THRB: variants seen among roughly 807,000 people sequenced by gnomAD.
THRB encodes nuclear receptor subfamily 1 group A member 2.
A neutral mutation model predicts 47.8 loss-of-function variants in THRB; 12 were observed. The ratio of observed to expected loss-of-function variants is 0.25; its 90% CI spans 0.16 to 0.41. THRB has a LOEUF of 0.41. THRB is among the 10% of genes least tolerant of loss of function. THRB has a pLI of 1.00. For synonymous variants in THRB, 218 were observed against 212.2 expected, an observed-to-expected ratio of 1.03 and a Z score of -0.24; for missense variants, 348 against 589.2, an observed-to-expected ratio of 0.59 and a Z score of 4.24.
chr3:24,213,234 T>G (rs2046238397), intron 4 of THRB, among the ~76,000 whole-genome samples: 1 of 152,252 alleles, frequency 6.6e-6, no homozygotes, highest in South Asian at 2.1e-4. Context: ...AGTTTAGGTT[T>G]TGTCCTCTTG....
At chr3:24,156,137 G>C (rs1344824152) in intron 5 of THRB, among the ~76,000 whole-genome samples, 1 of 152,190 alleles carries the variant, frequency 6.6e-6, no homozygotes, top group Admixed American at 6.5e-5. Flanking sequence ...ATATCTTACA[G>C]TTAATGCTAT....
intron 4 of THRB, among the ~76,000 whole-genome samples, chr3:24,205,714 TA>T (rs757271409): frequency 6.6e-6 from 1 of 152,040 alleles, no homozygotes; most frequent in Admixed American, 6.6e-5. Flanking sequence ...GCAAATTGGA[TA>T]AAGAGTCAAG....
chr3:24,371,603 A>G (rs533262112), intron 1 of THRB, among the ~76,000 whole-genome samples: 3 of 152,214 alleles, frequency 2.0e-5, no homozygotes, highest in East Asian at 3.9e-4. Context: ...AGTGTTGGCC[A>G]TAATGTCAAA....
chr3:24,299,766 C>CTTT (rs1360367092), intron 2 of THRB, among the ~76,000 whole-genome samples: 4,835 of 57,736 alleles, frequency 0.084, 1,169 homozygotes, highest in East Asian at 0.13. Flanking sequence ...GGGAAGTATG[C>CTTT]TTTTTTATTT....
At chr3:24,430,443 C>T (rs532355105) in intron 1 of THRB, among the ~76,000 whole-genome samples, 1 of 151,952 alleles carries the variant, frequency 6.6e-6, no homozygotes, top group Non-Finnish European at 1.5e-5. Flanking sequence ...AATCAGATCC[C>T]TACCTCATGC....
At chr3:24,265,417 A>C (rs2052549478) in intron 3 of THRB, among the ~76,000 whole-genome samples, 1 of 152,218 alleles carries the variant, frequency 6.6e-6, no homozygotes, top group Admixed American at 6.5e-5. Context: ...AATTGATCAG[A>C]AATCACATGA....
intron 1 of THRB, among the ~76,000 whole-genome samples, chr3:24,411,994 C>T (rs1448724329): frequency 2.0e-5 from 3 of 151,578 alleles, no homozygotes; most frequent in Non-Finnish European, 2.9e-5. Flanking sequence ...TTTCTAAATA[C>T]AGTATATTAT....
chr3:24,161,295 A>G (rs2038773973), intron 5 of THRB, among the ~76,000 whole-genome samples: 1 of 152,184 alleles, frequency 6.6e-6, no homozygotes, highest in Non-Finnish European at 1.5e-5. Context: ...TTGTTGAAAA[A>G]TCTATGATTG....
At chr3:24,416,533 C>T (rs1488198548) in intron 1 of THRB, among the ~76,000 whole-genome samples, 1 of 151,818 alleles carries the variant, frequency 6.6e-6, no homozygotes, top group African/African-American at 2.4e-5. Flanking sequence ...GCATAAAGCG[C>T]TCTATTTATA....
At chr3:24,456,768 ACT>A (rs1400304642) in intron 1 of THRB, among the ~76,000 whole-genome samples, 1 of 151,980 alleles carries the variant, frequency 6.6e-6, no homozygotes, top group Non-Finnish European at 1.5e-5. Context: ...TATCTTATAC[ACT>A]GTCTTATTAT....
chr3:24,266,772 T>A (rs1437678601), intron 3 of THRB, among the ~76,000 whole-genome samples: 1 of 152,032 alleles, frequency 6.6e-6, no homozygotes, highest in East Asian at 1.9e-4. Context: ...AAAATGCCAA[T>A]AAAAATTCAC....
At chr3:24,461,910 T>A (rs1186903549) in intron 1 of THRB, among the ~76,000 whole-genome samples, 1 of 152,172 alleles carries the variant, frequency 6.6e-6, no homozygotes, top group African/African-American at 2.4e-5. Flanking sequence ...CATGCACCTA[T>A]TAAAAATAAT....
chr3:24,164,811 C>G (rs1338716364), intron 5 of THRB, among the ~76,000 whole-genome samples: 1 of 152,142 alleles, frequency 6.6e-6, no homozygotes, highest in African/African-American at 2.4e-5. Context: ...AGGCAACTCA[C>G]TCCAGCTTTC....
At chr3:24,165,174 A>C (rs772483151) in intron 5 of THRB, 3 of 765,004 alleles carry the variant, frequency 3.9e-6, no homozygotes, top group African/African-American at 3.4e-5. Context: ...CTACAGGTAT[A>C]AGGCTGATTC....
chr3:24,312,237 A>G (rs1240194056), intron 2 of THRB, among the ~76,000 whole-genome samples: 1 of 152,184 alleles, frequency 6.6e-6, no homozygotes, highest in Non-Finnish European at 1.5e-5. Context: ...GCACCTTGTA[A>G]AACTCCTCAT....
intron 1 of THRB, among the ~76,000 whole-genome samples, chr3:24,337,633 C>A (rs1443127247): frequency 2.6e-5 from 4 of 152,154 alleles, no homozygotes; most frequent in Non-Finnish European, 5.9e-5. Flanking sequence ...CAGAGATGTA[C>A]ATTTCTGTGG....
intron 3 of THRB, among the ~76,000 whole-genome samples, chr3:24,254,753 G>A (rs910678526): frequency 1.3e-5 from 2 of 152,238 alleles, no homozygotes; most frequent in Non-Finnish European, 2.9e-5. Context: ...TCCTTGGAAT[G>A]CATATACCCA....
chr3:24,439,254 T>C (rs1029395608), intron 1 of THRB, among the ~76,000 whole-genome samples: 4 of 152,116 alleles, frequency 2.6e-5, no homozygotes, highest in Non-Finnish European at 5.9e-5. Context: ...TAAGAGGATA[T>C]GACAGCCAAC....
chr3:24,141,815 G>A (rs969668167), intron 8 of THRB, among the ~76,000 whole-genome samples: 1 of 152,184 alleles, frequency 6.6e-6, no homozygotes, highest in Non-Finnish European at 1.5e-5. Context: ...TCAGGAGACA[G>A]TGCCAGGCCT....
Sources: allele counts gnomAD v4.1 joint callset (sites outside exome capture counted in the v4.1 genomes callset), GRCh38; gene constraint gnomAD v4.1.1; transcripts MANE v1.5; gene names NCBI Gene and HGNC (gene_info 2026-07-23, HGNC 2026-07-21).